PWWP2B: variants seen among roughly 807,000 people sequenced by gnomAD.
The protein encoded by PWWP2B is PWWP domain containing 2B, also known as PWWP domain-containing protein 2B.
Under a neutral mutation model 15.5 loss-of-function variants are expected in PWWP2B, and 9 were observed. The ratio of observed to expected loss-of-function variants is 0.58; its 90% CI spans 0.35 to 1.02. The LOEUF (loss-of-function observed/expected upper bound fraction) is 1.02, where lower values mean the gene tolerates loss of function less well. Ranked by LOEUF, PWWP2B falls within the 50% of genes least tolerant of loss-of-function variation. The pLI, the probability that PWWP2B is intolerant of heterozygous loss-of-function variation, is 0.02. For missense variants in PWWP2B, 864 were observed against 865.3 expected, an observed-to-expected ratio of 1.00 and a Z score of 0.02; for synonymous variants, 474 against 403.6, an observed-to-expected ratio of 1.17 and a Z score of -2.09.
chr10:132,405,140 AAGCCGGAGG>A lies in PWWP2B; in HGVS notation c.649_657del (p.Glu217_Glu219del), dbSNP rs1421922188. On this transcript the variant is annotated inframe_deletion, in exon 2 of 3. Transcript: ENST00000305233. ...CAGCGGCCCGGACAGGGAGCTCCGCAAGCCGGAGGAGCCGGAGAACGGCGAGCCCACGGC... is the reference window on the plus strand; with the variant it reads ...CAGCGGCCCGGACAGGGAGCTCCGCAAGCCGGAGAACGGCGAGCCCACGGC... 1 of 1,544,824 alleles carries A rather than the reference AAGCCGGAGG, an allele frequency of 6.5e-7. No individual in the cohort carries two copies. Among genetic ancestry groups the A allele is most frequent in the Non-Finnish European group, 8.7e-7 (1 of 1,144,568 alleles).
chr10:132,398,242 C>G (rs142474393), intron 1 of PWWP2B, among the ~76,000 whole-genome samples: 1 of 152,252 alleles, frequency 6.6e-6, no homozygotes. Context: ...CAGAGAGGAC[C>G]GTGTTCCTTC....
At chr10:132,402,029 AG>A (rs1438747353) in intron 1 of PWWP2B, among the ~76,000 whole-genome samples, 1 of 152,210 alleles carries the variant, frequency 6.6e-6, no homozygotes. Context: ...CTGACGTGCC[AG>A]GGTCACCGGC....
chr10:132,405,637 C>G lies in PWWP2B; in HGVS notation c.1137C>G (p.Asp379Glu). Reference protein sequence around the residue: ...CADGPAGGLADLSSGSSGEDD... With the variant: ...CADGPAGGLAELSSGSSGEDD... ...ACGGCCCTGCCGGTGGGCTGGCGGA[C>G]TTGTCTTCTGGAAGTTCGGGTGAGG... Residue 379 changes from aspartate to glutamate, a missense_variant, in exon 2 of 3, where the codon GAC becomes GAG. Physicochemically the swap from Asp to Glu is conservative, Grantham distance 45. This residue lies in a region of PWWP2B where 736 missense variants were observed against 687.7 expected (regional missense o/e 1.07). Transcript: ENST00000305233. The G allele has an allele frequency of 6.2e-7, 1 of 1,612,410 alleles. No homozygotes were observed. The highest frequency in any genetic ancestry group is 1.3e-5 in the African/African-American group (1 of 75,056).
At chr10:132,412,317 G>A (rs2069791746) in intron 2 of PWWP2B, among the ~76,000 whole-genome samples, 1 of 152,268 alleles carries the variant, frequency 6.6e-6, no homozygotes, top group Non-Finnish European at 1.5e-5. Context: ...CCTCCTACTT[G>A]CTTCCTGGGT....
chr10:132,398,877 C>T (rs1294765209), intron 1 of PWWP2B, among the ~76,000 whole-genome samples: 2 of 152,206 alleles, frequency 1.3e-5, no homozygotes, highest in Non-Finnish European at 2.9e-5. Flanking sequence ...TTGGGCTGGC[C>T]CCCTTGTCCT....
At chr10:132,409,976 G>A (rs1037091437) in intron 2 of PWWP2B, among the ~76,000 whole-genome samples, 3 of 152,156 alleles carry the variant, frequency 2.0e-5, no homozygotes, top group Non-Finnish European at 4.4e-5. Flanking sequence ...GGTGGTCAGG[G>A]GGCCCGGTGG....
chr10:132,401,012 C>T (rs1262242550), intron 1 of PWWP2B, among the ~76,000 whole-genome samples: 2 of 152,252 alleles, frequency 1.3e-5, no homozygotes, highest in Non-Finnish European at 2.9e-5. Flanking sequence ...GGGCTGTGCT[C>T]CTCCCGGCCA....
chr10:132,402,863 G>A (rs2069630854), intron 1 of PWWP2B, among the ~76,000 whole-genome samples: 3 of 152,366 alleles, frequency 2.0e-5, no homozygotes, highest in African/African-American at 7.2e-5. Context: ...GGGCTGTGCT[G>A]TGTGCTAGTA....
In PWWP2B at chr10:132,399,050, C is replaced by T. The variant is rs556653324; in HGVS notation, c.125+1699C>T. Among the ~76,000 whole-genome samples the T allele has an allele frequency of 2.0e-5, 3 of 148,798 alleles. No individual in the cohort carries two copies. In the South Asian group the frequency reaches 6.3e-4, roughly 31 times the overall value. On this transcript the variant is annotated intron_variant, in intron 1 of 2. Transcript: ENST00000305233. ...GAGGCTTGTCCTGGAAGGACCCCCG[C>T]CCCCTCCCTCATCTCCCCTGAGCCT...
chr10:132,402,876 ACTTT>A (rs982086352), intron 1 of PWWP2B, among the ~76,000 whole-genome samples: 5 of 152,148 alleles, frequency 3.3e-5, no homozygotes, highest in Non-Finnish European at 7.3e-5. Context: ...TGCTAGTAAA[ACTTT>A]CTTCACAAAC....
intron 2 of PWWP2B, among the ~76,000 whole-genome samples, chr10:132,413,250 A>G (rs2069805180): frequency 1.3e-5 from 2 of 152,280 alleles, no homozygotes; most frequent in Admixed American, 1.3e-4. Context: ...AACATGTAAT[A>G]TAGGTGTGTA....
intron 2 of PWWP2B, among the ~76,000 whole-genome samples, chr10:132,415,676 CACA>C (rs2069842798): frequency 6.8e-6 from 1 of 147,222 alleles, no homozygotes; most frequent in African/African-American, 2.7e-5. Flanking sequence ...CACTCACACA[CACA>C]TATCCACACA....
chr10:132,406,919 C>T (rs563869940), intron 2 of PWWP2B, among the ~76,000 whole-genome samples: 15 of 152,270 alleles, frequency 9.9e-5, no homozygotes, highest in African/African-American at 3.4e-4. Context: ...CGTGGCCAGG[C>T]GCCCGGGACC....
chr10:132,415,502 T>C (rs1281869264), intron 2 of PWWP2B, among the ~76,000 whole-genome samples: 3 of 131,190 alleles, frequency 2.3e-5, no homozygotes, highest in African/African-American at 9.5e-5. Flanking sequence ...CTCACACACA[T>C]CCACTCACAT....
At position 132,405,870 on chromosome 10, in the gene PWWP2B, T is replaced by C; in HGVS notation, c.1370T>C (p.Val457Ala). Residue 457 changes from valine (V) to alanine (A), a missense_variant, in exon 2 of 3, where the codon GTG becomes GCG. Around this residue, in one of 2 missense-constraint regions of PWWP2B, gnomAD observed 736 missense variants for 687.7 expected, o/e 1.07. Coordinates refer to ENST00000305233, the MANE Select transcript of PWWP2B (RefSeq NM_138499.4). The part of the protein sequence containing the change: ...SPGHGASAPS[V>A]SREARQTVPP... ...GGCCACGGCGCGTCAGCGCCCTCGG[T>C]GTCCAGAGAGGCTCGCCAAACGGTG... 4 of 1,611,534 alleles carry C rather than the reference T, an allele frequency of 2.5e-6. No homozygotes were observed. Among genetic ancestry groups the C allele is most frequent in the Non-Finnish European group, 3.4e-6 (4 of 1,179,118 alleles).
rs1195678154 is a variant in PWWP2B at position 132,405,772 on chromosome 10, C to T, written c.1272C>T (p.Ser424=). ...RADCASESAC[S]SDSLDEARSS... is the part of the protein sequence containing the mutation. ...ACTGTGCCAGTGAGTCGGCGTGCAG[C>T]AGCGACAGCCTGGACGAGGCCAGAT... The change falls in exon 2 of 3, where the codon AGC becomes AGT. Residue 424 remains serine (S), a synonymous_variant. Coordinates refer to ENST00000305233, the MANE Select transcript of PWWP2B (RefSeq NM_138499.4). 6.2e-7 allele frequency: 1 copy of T among 1,607,150 alleles called. No individual in the cohort carries two copies. Among genetic ancestry groups the T allele is most frequent in the Non-Finnish European group, 8.5e-7 (1 of 1,179,794 alleles).
chr10:132,412,569 G>T (rs1029804331), intron 2 of PWWP2B, among the ~76,000 whole-genome samples: 4 of 152,210 alleles, frequency 2.6e-5, no homozygotes, highest in African/African-American at 9.6e-5. Context: ...ATCCGTTCCC[G>T]ATCAAGTTCA....
intron 1 of PWWP2B, among the ~76,000 whole-genome samples, chr10:132,397,649 T>C (rs2069556138): frequency 6.6e-6 from 1 of 151,830 alleles, no homozygotes; most frequent in Non-Finnish European, 1.5e-5. Flanking sequence ...TAATGCACTT[T>C]TCTTTGTTCA....
chr10:132,412,707 T>G (rs967975445), intron 2 of PWWP2B, among the ~76,000 whole-genome samples: 1 of 152,246 alleles, frequency 6.6e-6, no homozygotes, highest in Non-Finnish European at 1.5e-5. Context: ...GAAAAGCCTC[T>G]TTCCTTACCA....
Sources: gnomAD v4.1 joint callset for allele counts (sites outside exome capture counted in the v4.1 genomes callset) on GRCh38, gnomAD v4.1.1 for gene constraint, gnomAD v4.1.1 regional missense constraint, MANE v1.5 for transcripts, NCBI Gene and HGNC (gene_info 2026-07-23, HGNC 2026-07-21) for gene names.